SGCE: variants seen among roughly 807,000 people sequenced by gnomAD.
SGCE encodes the protein sarcoglycan epsilon, also known as epsilon-sarcoglycan.
Under a neutral mutation model 57.8 loss-of-function variants are expected in SGCE, and 26 were observed. The observed-to-expected ratio is 0.45, with a 90% CI of 0.33 to 0.62. SGCE has a LOEUF of 0.62. SGCE is among the 20% of genes least tolerant of loss of function. The pLI, the probability that SGCE is intolerant of heterozygous loss-of-function variation, is 0.02. For missense variants in SGCE, 468 were observed against 548.6 expected (o/e 0.85, Z 1.47); for synonymous variants, 183 against 189.5 (o/e 0.97, Z 0.28).
At chr7:94,644,340 G>A (rs544687673) in intron 1 of SGCE, among the ~76,000 whole-genome samples, 104 of 152,086 alleles carry the variant, frequency 6.8e-4, no homozygotes, top group Non-Finnish European at 6.3e-4. Context: ...GTCTTGTAGC[G>A]GCATGACTAC....
chr7:94,600,750 T>G lies in SGCE; in HGVS notation c.933A>C (p.Arg311Ser), dbSNP rs1799084642. 6.2e-7 allele frequency: 1 copy of G among 1,613,670 alleles called. No homozygotes were observed. Among genetic ancestry groups the G allele is most frequent in the Admixed American group, 1.7e-5 (1 of 59,946 alleles). Residue 311 changes from arginine (R) to serine (S), a missense_variant, in exon 7 of 11, where the codon AGA (arginine) becomes AGC (serine). Physicochemically the swap from Arg to Ser is moderately radical, Grantham distance 110. Transcript: ENST00000648936. ...YKPPSDSLKSRDYYTDFLITL... is the reference protein window; with the variant it reads ...YKPPSDSLKSSDYYTDFLITL... Reference sequence around the variant, plus strand: ...TAATTAGGAAATCCGTGTAATAGTCTCTGCTTTTCAAAGAATCAGAAGGGG... The same window carrying G: ...TAATTAGGAAATCCGTGTAATAGTCGCTGCTTTTCAAAGAATCAGAAGGGG...
At chr7:94,634,447 T>G (rs1805256074) in intron 1 of SGCE, among the ~76,000 whole-genome samples, 1 of 152,226 alleles carries the variant, frequency 6.6e-6, no homozygotes, top group Non-Finnish European at 1.5e-5. Context: ...TTTAAGGTTG[T>G]GTGTTTTACA....
chr7:94,589,442 G>C (rs1797353403), intron 9 of SGCE: 1 of 153,120 alleles, frequency 6.5e-6, no homozygotes, highest in South Asian at 2.0e-4. Context: ...TTACATTCTT[G>C]TCCCCTTATA....
chr7:94,615,445 C>T (rs1801782748), intron 5 of SGCE, among the ~76,000 whole-genome samples: 1 of 151,804 alleles, frequency 6.6e-6, no homozygotes, highest in Non-Finnish European at 1.5e-5. Flanking sequence ...CTGTAAGTTA[C>T]CATAGATAGA....
At chr7:94,638,563 G>A (rs562572562) in intron 1 of SGCE, among the ~76,000 whole-genome samples, 8 of 150,762 alleles carry the variant, frequency 5.3e-5, no homozygotes, top group South Asian at 2.1e-4. Context: ...TGGTTGCTCC[G>A]AAGTTAGAGA....
chr7:94,643,134 G>A (rs1806625217), intron 1 of SGCE, among the ~76,000 whole-genome samples: 1 of 152,162 alleles, frequency 6.6e-6, no homozygotes, highest in South Asian at 2.1e-4. Flanking sequence ...ATTGTTCAGA[G>A]TTTTATATAC....
At chr7:94,599,894 T>A (rs1798949373) in intron 7 of SGCE, 171 bp from the exon 8 acceptor site, 1 of 584,160 alleles carries the variant, frequency 1.7e-6, no homozygotes, top group Non-Finnish European at 3.1e-6. Flanking sequence ...TGAGTACACA[T>A]ACAGCGATGG....
intron 9 of SGCE, among the ~76,000 whole-genome samples, chr7:94,592,589 T>C (rs1049249909): frequency 6.6e-6 from 1 of 152,200 alleles, no homozygotes; most frequent in African/African-American, 2.4e-5. Context: ...AAATAGAAAA[T>C]TGTGTAAATT....
At chr7:94,639,188 T>A (rs1382076829) in intron 1 of SGCE, among the ~76,000 whole-genome samples, 2 of 152,068 alleles carry the variant, frequency 1.3e-5, no homozygotes, top group Non-Finnish European at 1.5e-5. Context: ...AAAACAGAAG[T>A]TTTAGAAGAT....
Position 94,639,494 on chromosome 7 carries a change from T to C in SGCE, c.110-9653A>G, listed in dbSNP as rs765924524. The C allele has an allele frequency of 5.0e-6, 6 of 1,195,730 alleles. No homozygotes were observed. In the South Asian group the frequency reaches 8.0e-5, roughly 16 times the overall value. 74.1% of individuals were successfully genotyped at this position (1,195,730 alleles called of 1,614,324 possible). A position where few individuals can be genotyped will look rare whatever the true frequency, so the allele number is the denominator to read the frequency against. On this transcript the variant is annotated intron_variant, in intron 1 of 10. Transcript: ENST00000648936. ...GTACAAAAAAATGAAATTAATGTCA[T>C]GATTTTTTAAAATGACTGTCACAGA...
chr7:94,603,683 A>G (rs1554345289), intron 5 of SGCE, among the ~76,000 whole-genome samples: 1 of 152,080 alleles, frequency 6.6e-6, no homozygotes, highest in Non-Finnish European at 1.5e-5. Flanking sequence ...TACTCTCTCC[A>G]TTCTATGTTA....
chr7:94,647,685 C>T (rs1384018337), intron 1 of SGCE, among the ~76,000 whole-genome samples: 2 of 152,212 alleles, frequency 1.3e-5, no homozygotes, highest in African/African-American at 2.4e-5. Flanking sequence ...ACTGCTCCAA[C>T]GCCACTGGAC....
chr7:94,655,064 T>C (rs1808400434), intron 1 of SGCE, among the ~76,000 whole-genome samples: 1 of 152,218 alleles, frequency 6.6e-6, no homozygotes, highest in African/African-American at 2.4e-5. Context: ...ATAGTACAAA[T>C]GCACGCAAAT....
chr7:94,603,974 A>G (rs1232134942), intron 5 of SGCE, among the ~76,000 whole-genome samples: 1 of 152,098 alleles, frequency 6.6e-6, no homozygotes, highest in African/African-American at 2.4e-5. Flanking sequence ...TAGTTTTTCT[A>G]CTACACAAAC....
At chr7:94,601,571 A>C (rs535755394) in intron 6 of SGCE, among the ~76,000 whole-genome samples, 2 of 151,810 alleles carry the variant, frequency 1.3e-5, no homozygotes, top group East Asian at 1.9e-4. Context: ...ATTGAAGGAC[A>C]CTAAAAATAT....
chr7:94,594,595 A>G (rs1798131804), intron 9 of SGCE: 1 of 152,076 alleles, frequency 6.6e-6, no homozygotes, highest in South Asian at 2.1e-4. Flanking sequence ...CATCTGAAAA[A>G]AGTCTGAAGT....
chr7:94,637,086 CAT>C (rs939452266), intron 1 of SGCE, among the ~76,000 whole-genome samples: 5 of 149,434 alleles, frequency 3.3e-5, no homozygotes, highest in African/African-American at 1.2e-4. Context: ...CTACACAAAA[CAT>C]ATATTTGTCA....
intron 1 of SGCE, among the ~76,000 whole-genome samples, chr7:94,636,106 G>A (rs1009841083): frequency 5.5e-4 from 83 of 152,258 alleles, no homozygotes; most frequent in Non-Finnish European, 6.9e-4. Flanking sequence ...GTTTCTTCAT[G>A]ATATTTTCCC....
chr7:94,587,629 CT>C lies in SGCE; in HGVS notation c.1297+1059del, dbSNP rs764856244. The C allele has an allele frequency of 4.3e-5, 62 of 1,428,992 alleles. 1 individual carries two copies. Among genetic ancestry groups the C allele is most frequent in the Non-Finnish European group, 5.5e-5 (60 of 1,098,088 alleles). The allele number at this position is 1,428,992 out of a possible 1,614,324, so 88.5% of individuals were successfully genotyped here. ...TGTTCCTTCATCAATCTCCTGAATG[CT>C]TACAAAGTAGCACCAACACATCAAT... is the stretch of plus-strand genomic sequence containing the variant. On this transcript the variant is annotated intron_variant, in intron 10 of 10. Transcript: ENST00000648936.
Sources: gnomAD v4.1 joint callset for allele counts (sites outside exome capture counted in the v4.1 genomes callset) on GRCh38, gnomAD v4.1.1 for gene constraint, MANE v1.5 for transcripts, NCBI Gene and HGNC (gene_info 2026-07-23, HGNC 2026-07-21) for gene names.